CSMD3: variants seen among roughly 807,000 people sequenced by gnomAD.
The protein encoded by CSMD3 is CUB and sushi domain-containing protein 3.
Under a neutral mutation model 435.2 loss-of-function variants are expected in CSMD3, and 177 were observed. The ratio of observed to expected loss-of-function variants is 0.41; its 90% CI spans 0.36 to 0.46. The LOEUF (loss-of-function observed/expected upper bound fraction) is 0.46, where lower values mean the gene tolerates loss of function less well. Ranked by LOEUF, CSMD3 falls within the 20% of genes least tolerant of loss-of-function variation. The pLI is 0.34. For missense variants in CSMD3, 4,265 were observed against 4,504.6 expected (o/e 0.95, Z 1.52); for synonymous variants, 1,656 against 1,520.5 (o/e 1.09, Z -2.07).
At chr8:112,966,914 G>A (rs764313753) in intron 7 of CSMD3, among the ~76,000 whole-genome samples, 5 of 151,888 alleles carry the variant, frequency 3.3e-5, no homozygotes, top group Non-Finnish European at 4.4e-5. Context: ...TCAACACTGT[G>A]ATTATCCTAG....
intron 35 of CSMD3, among the ~76,000 whole-genome samples, chr8:112,391,629 T>G (rs887551244): frequency 5.9e-5 from 9 of 151,718 alleles, no homozygotes; most frequent in Admixed American, 2.0e-4. Context: ...GAGGCAGAGG[T>G]TGCAATGAGC....
At chr8:113,050,783 C>T (rs1371347782) in intron 5 of CSMD3, among the ~76,000 whole-genome samples, 1 of 152,008 alleles carries the variant, frequency 6.6e-6, no homozygotes, top group Non-Finnish European at 1.5e-5. Context: ...TGTGAAGTCA[C>T]TTTAAATATA....
chr8:112,879,446 G>A (rs966415669), intron 10 of CSMD3, among the ~76,000 whole-genome samples: 2 of 152,066 alleles, frequency 1.3e-5, no homozygotes, highest in African/African-American at 4.8e-5. Context: ...ACCCTCATTA[G>A]CAATTCTGGT....
At chr8:113,374,849 C>CATAA (rs2094370762) in intron 1 of CSMD3, among the ~76,000 whole-genome samples, 3 of 21,014 alleles carry the variant, frequency 1.4e-4, no homozygotes, top group African/African-American at 3.6e-4. Context: ...AAAAAAAAAC[C>CATAA]AATAAAATGA....
intron 3 of CSMD3, among the ~76,000 whole-genome samples, chr8:113,243,424 G>A (rs149513752): frequency 1.3e-5 from 2 of 152,090 alleles, no homozygotes; most frequent in African/African-American, 4.8e-5. Context: ...GCATGTTGTA[G>A]CAAGTATCAG....
chr8:112,941,691 T>C (rs1472029183), intron 9 of CSMD3, among the ~76,000 whole-genome samples: 1 of 151,852 alleles, frequency 6.6e-6, no homozygotes, highest in African/African-American at 2.4e-5. Context: ...AGTAACATAT[T>C]ATCATTAAAA....
At chr8:113,152,182 T>A (rs1198016307) in intron 4 of CSMD3, among the ~76,000 whole-genome samples, 1 of 151,938 alleles carries the variant, frequency 6.6e-6, no homozygotes, top group Non-Finnish European at 1.5e-5. Flanking sequence ...AGATGTTTCA[T>A]CCAAGATTGT....
At chr8:113,285,455 T>C (rs2093639906) in intron 2 of CSMD3, among the ~76,000 whole-genome samples, 1 of 152,030 alleles carries the variant, frequency 6.6e-6, no homozygotes, top group African/African-American at 2.4e-5. Context: ...GAGACGGGGT[T>C]TCACCGTGTT....
chr8:112,725,796 A>G (rs564193468), intron 13 of CSMD3, among the ~76,000 whole-genome samples: 1 of 152,136 alleles, frequency 6.6e-6, no homozygotes, highest in Non-Finnish European at 1.5e-5. Context: ...ATTTCAATCC[A>G]TAAAGTATTT....
chr8:113,418,144 A>G (rs1391869624), intron 1 of CSMD3, among the ~76,000 whole-genome samples: 1 of 152,142 alleles, frequency 6.6e-6, no homozygotes, highest in Non-Finnish European at 1.5e-5. Flanking sequence ...TCTCTGTTAC[A>G]TGAGGGAGAT....
intron 32 of CSMD3, among the ~76,000 whole-genome samples, chr8:112,418,948 CATAA>C (rs1261685979): frequency 6.6e-6 from 1 of 152,048 alleles, no homozygotes; most frequent in Admixed American, 6.6e-5. Context: ...GTATATGAAA[CATAA>C]ATAAATTTTG....
chr8:112,443,911 CA>C (rs1339681603), intron 32 of CSMD3, among the ~76,000 whole-genome samples: 22 of 152,120 alleles, frequency 1.4e-4, no homozygotes, highest in African/African-American at 5.1e-4. Context: ...ATTATGTTGA[CA>C]CATTTAATCC....
intron 10 of CSMD3, among the ~76,000 whole-genome samples, chr8:112,906,808 T>C (rs1034402939): frequency 6.6e-6 from 1 of 151,570 alleles, no homozygotes; most frequent in East Asian, 2.0e-4. Context: ...ATCAACCTTT[T>C]TGTTTGTCTT....
At chr8:113,256,677 T>A (rs560223786) in intron 3 of CSMD3, among the ~76,000 whole-genome samples, 2 of 152,298 alleles carry the variant, frequency 1.3e-5, no homozygotes, top group East Asian at 3.9e-4. Context: ...AATTAATCCA[T>A]CCTACTTAAG....
intron 51 of CSMD3, among the ~76,000 whole-genome samples, chr8:112,305,153 C>A (rs1233423258): frequency 1.3e-5 from 2 of 152,134 alleles, no homozygotes; most frequent in Non-Finnish European, 2.9e-5. Flanking sequence ...TATTATTCTA[C>A]CTACTTAGAA....
intron 22 of CSMD3, among the ~76,000 whole-genome samples, chr8:112,591,792 C>T (rs541332186): frequency 7.2e-5 from 11 of 151,852 alleles, no homozygotes; most frequent in Admixed American, 5.2e-4. Context: ...GGATCAAATC[C>T]AAATCAATCA....
chr8:112,346,343 T>C, intron 40 of CSMD3, 130 bp from the exon 41 acceptor site: 1 of 709,730 alleles, frequency 1.4e-6, no homozygotes, highest in Non-Finnish European at 2.6e-6. Flanking sequence ...ATATTGTCTG[T>C]TCACTCACTA....
At chr8:113,235,928 G>T (rs566648954) in intron 3 of CSMD3, among the ~76,000 whole-genome samples, 1 of 152,166 alleles carries the variant, frequency 6.6e-6, no homozygotes, top group African/African-American at 2.4e-5. Context: ...TATGGCCCAG[G>T]AAAGAACAAA....
At chr8:113,331,703 G>C (rs1016116776) in intron 1 of CSMD3, among the ~76,000 whole-genome samples, 1 of 151,534 alleles carries the variant, frequency 6.6e-6, no homozygotes, top group Non-Finnish European at 1.5e-5. Flanking sequence ...AATAGAAAAA[G>C]AATATATATT....
Sources: gnomAD v4.1 joint callset for allele counts (sites outside exome capture counted in the v4.1 genomes callset) on GRCh38, gnomAD v4.1.1 for gene constraint, MANE v1.5 for transcripts, NCBI Gene and HGNC (gene_info 2026-07-23, HGNC 2026-07-21) for gene names.